Variants in RIN2 observed in about 807,000 individuals in gnomAD.
The protein encoded by RIN2 is RAB5 interacting protein 2.
A neutral mutation model predicts 78.0 loss-of-function variants in RIN2; 36 were observed. That is an observed-to-expected ratio of 0.46 (90% CI 0.35 to 0.61). The LOEUF (loss-of-function observed/expected upper bound fraction) is 0.61, where lower values mean the gene tolerates loss of function less well. Among genes scored for constraint, RIN2 ranks in the 20% least tolerant of loss-of-function variants. The pLI, the probability that RIN2 is intolerant of heterozygous loss-of-function variation, is 0.00. For missense variants in RIN2, 1,087 were observed against 1,159.7 expected, an observed-to-expected ratio of 0.94 and a Z score of 0.91; for synonymous variants, 466 against 466.8, an observed-to-expected ratio of 1.00 and a Z score of 0.02.
chr20:19,946,420 G>A (rs2041090402), intron 4 of RIN2, among the ~76,000 whole-genome samples: 1 of 152,178 alleles, frequency 6.6e-6, no homozygotes, highest in Non-Finnish European at 1.5e-5. Context: ...TGTATCTACA[G>A]GATGATCTTC....
chr20:19,799,074 T>C (rs2035162741), intron 1 of RIN2, among the ~76,000 whole-genome samples: 1 of 152,106 alleles, frequency 6.6e-6, no homozygotes, highest in South Asian at 2.1e-4. Flanking sequence ...TAATTTTTTG[T>C]ATTTTTGGTA....
At chr20:19,897,545 G>A (rs555811311) in intron 3 of RIN2, among the ~76,000 whole-genome samples, 12 of 152,228 alleles carry the variant, frequency 7.9e-5, no homozygotes, top group South Asian at 6.2e-4. Context: ...CTACAGCAGG[G>A]ATGGGAGTCA....
intron 3 of RIN2, among the ~76,000 whole-genome samples, chr20:19,933,810 G>GTTGT (rs1054138495): frequency 6.6e-6 from 1 of 152,052 alleles, no homozygotes; most frequent in African/African-American, 2.4e-5. Flanking sequence ...AATTATTATT[G>GTTGT]TTGTTGTTAT....
chr20:19,964,550 T>C (rs1568670679), intron 6 of RIN2, among the ~76,000 whole-genome samples: 1 of 152,074 alleles, frequency 6.6e-6, no homozygotes, highest in Non-Finnish European at 1.5e-5. Context: ...CAGGGAAGTG[T>C]GTGTCCTAGG....
chr20:19,944,105 G>T (rs541177392), intron 4 of RIN2, among the ~76,000 whole-genome samples: 9 of 145,820 alleles, frequency 6.2e-5, no homozygotes, highest in Non-Finnish European at 1.2e-4. Flanking sequence ...ATGTATTTTT[G>T]AAGTTGAAGT....
At chr20:19,945,715 A>G (rs1252169570) in intron 4 of RIN2, among the ~76,000 whole-genome samples, 2 of 151,994 alleles carry the variant, frequency 1.3e-5, no homozygotes, top group Non-Finnish European at 2.9e-5. Flanking sequence ...CTGCAGGAAC[A>G]TCATTGACTT....
At chr20:19,936,481 A>G (rs775241770) in intron 4 of RIN2, among the ~76,000 whole-genome samples, 10 of 152,222 alleles carry the variant, frequency 6.6e-5, no homozygotes, top group Admixed American at 1.3e-4. Flanking sequence ...ACAACAGAAA[A>G]GAGAGCTTTG....
chr20:19,951,866 A>T lies in RIN2; in HGVS notation c.159-4749A>T, dbSNP rs118038702. Among the ~76,000 whole-genome samples, 9 of 152,242 alleles carry T rather than the reference A, an allele frequency of 5.9e-5. No homozygotes were observed. The East Asian group carries it at 1.7e-3, about 29-fold the overall frequency. ...TTATTGGAATCTCCTGGATTGTATC[A>T]CAGTGTTTTACCTTTTATGAACCTC... On this transcript the variant is annotated intron_variant, in intron 4 of 12. Coordinates refer to ENST00000255006, the MANE Select transcript of RIN2 (RefSeq NM_018993.4).
intron 1 of RIN2, among the ~76,000 whole-genome samples, chr20:19,764,923 T>TG (rs1448726200): frequency 8.8e-6 from 1 of 113,808 alleles, no homozygotes; most frequent in Non-Finnish European, 1.8e-5. Flanking sequence ...TCTGCGTTTT[T>TG]TTTTTTTTTT....
At chr20:19,771,446 C>T (rs2034118037) in intron 1 of RIN2, among the ~76,000 whole-genome samples, 2 of 152,210 alleles carry the variant, frequency 1.3e-5, no homozygotes, top group Non-Finnish European at 2.9e-5. Context: ...CCTGGTCTCT[C>T]TCAGGGCACT....
At chr20:19,768,552 A>AT (rs563658662) in intron 1 of RIN2, among the ~76,000 whole-genome samples, 49 of 152,322 alleles carry the variant, frequency 3.2e-4, no homozygotes, top group Middle Eastern at 3.4e-3. Flanking sequence ...CATGAAAATG[A>AT]TTTAGGACTC....
intron 1 of RIN2, among the ~76,000 whole-genome samples, chr20:19,780,373 C>T (rs1182993185): frequency 6.6e-6 from 1 of 152,172 alleles, no homozygotes. Flanking sequence ...TCACAAAGGA[C>T]CAGCGTGTCC....
At chr20:19,928,461 G>C (rs2146087798) in intron 3 of RIN2, among the ~76,000 whole-genome samples, 1 of 152,328 alleles carries the variant, frequency 6.6e-6, no homozygotes, top group Non-Finnish European at 1.5e-5. Context: ...ACAAGTTGCT[G>C]CCTGAAGAAT....
intron 3 of RIN2, among the ~76,000 whole-genome samples, chr20:19,920,663 T>C (rs1290324358): frequency 6.6e-6 from 1 of 152,174 alleles, no homozygotes. Context: ...ATTTCAAACA[T>C]AGTTCTTTTG....
intron 2 of RIN2, among the ~76,000 whole-genome samples, chr20:19,861,246 T>A (rs1422642905): frequency 2.0e-5 from 3 of 152,164 alleles, no homozygotes; most frequent in African/African-American, 7.2e-5. Context: ...AAGTCCCACC[T>A]CCTTATAGGT....
chr20:19,811,754 C>A (rs2035609124), intron 2 of RIN2, among the ~76,000 whole-genome samples: 1 of 149,054 alleles, frequency 6.7e-6, no homozygotes, highest in African/African-American at 2.5e-5. Flanking sequence ...AAAATGAGGG[C>A]CATCTCCTGT....
At position 19,965,031 on chromosome 20, in the gene RIN2, C is replaced by A. The variant is rs750214530; in HGVS notation, c.536+7C>A. The A allele has an allele frequency of 5.0e-6, 8 of 1,607,988 alleles. No individual in the cohort carries two copies. In the Admixed American group the frequency reaches 6.7e-5, roughly 13 times the overall value. On this transcript the variant is annotated splice_region_variant and intron_variant, in intron 7 of 12. Transcript: ENST00000255006. ...CTTTCTACTGCATCAGCAGGTAAGG[C>A]CTCTTCCTCTCATATGGTTTCAAGG...
At chr20:19,954,994 T>G (rs1411343036) in intron 4 of RIN2, among the ~76,000 whole-genome samples, 2 of 152,202 alleles carry the variant, frequency 1.3e-5, no homozygotes, top group Non-Finnish European at 2.9e-5. Context: ...TTAATGTGCA[T>G]GATTCGCGGG....
intron 1 of RIN2, among the ~76,000 whole-genome samples, chr20:19,780,538 G>T (rs1600436063): frequency 1.3e-5 from 2 of 152,084 alleles, no homozygotes; most frequent in Admixed American, 6.5e-5. Flanking sequence ...GGGACTCAAG[G>T]GTCTCACCAT....
Sources: gnomAD v4.1 joint callset for allele counts (sites outside exome capture counted in the v4.1 genomes callset) on GRCh38, gnomAD v4.1.1 for gene constraint, MANE v1.5 for transcripts, NCBI Gene and HGNC (gene_info 2026-07-23, HGNC 2026-07-21) for gene names.